FREM1: variants seen among roughly 807,000 people sequenced by gnomAD.
FREM1 encodes FRAS1 related extracellular matrix 1.
Under a neutral mutation model 210.1 loss-of-function variants are expected in FREM1, and 220 were observed. That is an observed-to-expected ratio of 1.05 (90% CI 0.94 to 1.17). The LOEUF is 1.17. Among genes scored for constraint, FREM1 ranks in the 50% most tolerant of loss-of-function variants. The pLI, the probability that FREM1 is intolerant of heterozygous loss-of-function variation, is 0.00. For missense variants in FREM1, 3,454 were observed against 2,675.5 expected, an observed-to-expected ratio of 1.29 and a Z score of -6.42; for synonymous variants, 1,189 against 980.2, an observed-to-expected ratio of 1.21 and a Z score of -3.98.
intron 1 of FREM1, among the ~76,000 whole-genome samples, chr9:14,870,215 G>C (rs146578180): frequency 6.6e-6 from 1 of 152,320 alleles, no homozygotes; most frequent in East Asian, 1.9e-4. Context: ...GGTTGTAGAA[G>C]AACAAATGCC....
chr9:14,761,745 C>A (rs982800987), intron 27 of FREM1, among the ~76,000 whole-genome samples: 4 of 152,168 alleles, frequency 2.6e-5, no homozygotes, highest in African/African-American at 9.7e-5. Context: ...CTTTGTCCAG[C>A]ACATCCACAC....
Position 14,770,790 on chromosome 9 carries a change from T to G in FREM1, c.4874A>C (p.Lys1625Thr). Residue 1625 changes from lysine to threonine, a missense_variant, in exon 26 of 37, where the codon AAA becomes ACA. Transcript: ENST00000380880. ...CAAGAGTGTGATACGAGGAGCTGTT[T>G]TGTCCAATTGGTCTACCTGGATCAT... ...LFTIQVDQLD[K>T]TAPRITLLHS... 1.2e-6 allele frequency: 2 copies of G among 1,612,190 alleles called. No individual in the cohort carries two copies. The highest frequency in any genetic ancestry group is 1.7e-6 in the Non-Finnish European group (2 of 1,179,030).
intron 1 of FREM1, among the ~76,000 whole-genome samples, chr9:14,870,383 C>G (rs1228471045): frequency 6.6e-6 from 1 of 152,196 alleles, no homozygotes; most frequent in East Asian, 1.9e-4. Flanking sequence ...TAAAACTGTT[C>G]TCACACTCCA....
At chr9:14,747,765 G>A (rs757689559) in intron 31 of FREM1, 37 bp from the exon 32 acceptor site, 1 of 1,336,884 alleles carries the variant, frequency 7.5e-7, no homozygotes, top group South Asian at 1.4e-5. Context: ...AACAGAATTG[G>A]ATTGACTAAT....
intron 19 of FREM1, 116 bp downstream of exon 19, chr9:14,804,840 T>G: frequency 1.5e-6 from 1 of 679,614 alleles, no homozygotes; most frequent in Non-Finnish European, 2.5e-6. Flanking sequence ...AACATAGCCT[T>G]CCCCACTCCT....
chr9:14,900,846 A>G (rs536074256), intron 1 of FREM1, among the ~76,000 whole-genome samples: 10 of 152,274 alleles, frequency 6.6e-5, no homozygotes, highest in African/African-American at 2.2e-4. Context: ...ATCACAGGCT[A>G]TGGGATTCTT....
intron 27 of FREM1, 111 bp downstream of exon 27, chr9:14,769,613 T>C (rs1445472996): frequency 8.9e-7 from 1 of 1,119,380 alleles, no homozygotes; most frequent in Non-Finnish European, 1.3e-6. Context: ...TGAAATGGTC[T>C]ATTAATTTAT....
At position 14,788,799 on chromosome 9, in the gene FREM1, A is replaced by G. The variant is rs147594024; in HGVS notation, c.4177+120T>C. Reference sequence around the variant, plus strand: ...AAACACAAATGATAGAATTTCAAAGATGAAGAGTGGCAGGAAAAAAGGAAA... The same window carrying G: ...AAACACAAATGATAGAATTTCAAAGGTGAAGAGTGGCAGGAAAAAAGGAAA... On this transcript the variant is annotated intron_variant, in intron 23 of 36. Coordinates refer to ENST00000380880, the MANE Select transcript of FREM1 (RefSeq NM_001379081.2). 171 of 790,644 alleles carry G rather than the reference A, an allele frequency of 2.2e-4. No homozygotes were observed. In the East Asian group the frequency reaches 4.5e-3, roughly 21 times the overall value. 49.0% of individuals were successfully genotyped at this position (790,644 alleles called of 1,614,324 possible).
intron 3 of FREM1, 85 bp from the exon 4 acceptor site, chr9:14,859,569 T>C: frequency 8.7e-7 from 1 of 1,148,222 alleles, no homozygotes; most frequent in Non-Finnish European, 1.2e-6. Flanking sequence ...GACTAAAGAT[T>C]GGCCTTCACC....
At chr9:14,802,570 A>G (rs1817487050) in intron 19 of FREM1, among the ~76,000 whole-genome samples, 1 of 152,226 alleles carries the variant, frequency 6.6e-6, no homozygotes, top group African/African-American at 2.4e-5. Flanking sequence ...CACAAAGACA[A>G]TTAAATGTTT....
In FREM1 at chr9:14,813,050, G is replaced by T. The variant is rs1012888636; in HGVS notation, c.2655C>A (p.Asn885Lys). The T allele has an allele frequency of 1.2e-6, 2 of 1,609,138 alleles. No individual in the cohort carries two copies. The highest frequency in any genetic ancestry group is 2.2e-5 in the East Asian group (1 of 44,748). ...FVLHVEVFPV[N>K]DEPPVLKADL... ...CAGCCTTTAAGACTGGTGGCTCATC[G>T]TTGACAGGGAATACCTAGGCAATGG... The change falls in exon 16 of 37, where the codon AAC (asparagine) becomes AAA (lysine). Residue 885 changes from asparagine to lysine, a missense_variant. By Grantham distance (94) the Asn-to-Lys change is moderately conservative. Transcript: ENST00000380880.
intron 29 of FREM1, among the ~76,000 whole-genome samples, chr9:14,755,952 A>G (rs1844265262): frequency 6.6e-6 from 1 of 152,164 alleles, no homozygotes; most frequent in Non-Finnish European, 1.5e-5. Flanking sequence ...CCTAATATCA[A>G]CCTATTCCAT....
rs1181882560 is a variant in FREM1 at position 14,801,640 on chromosome 9, A to G, written c.3694+12T>C. ...AACAATAACAAATGCATGGAAGTGG[A>G]ACATGCTATACCAGTCTTGAGGAGT... On this transcript the variant is annotated intron_variant, in intron 20 of 36. Coordinates refer to ENST00000380880, the MANE Select transcript of FREM1 (RefSeq NM_001379081.2). 1.3e-6 allele frequency: 2 copies of G among 1,551,802 alleles called. No homozygotes were observed. The highest frequency in any genetic ancestry group is 1.8e-6 in the Non-Finnish European group (2 of 1,123,690).
chr9:14,875,899 G>A (rs12335541), intron 1 of FREM1, among the ~76,000 whole-genome samples: 28,583 of 152,154 alleles, frequency 0.19, 2,813 homozygotes, highest in Middle Eastern at 0.26. Flanking sequence ...TAACAGACAG[G>A]ACCCTCAGCT....
At chr9:14,745,563 G>A (rs1298710676) in intron 35 of FREM1, among the ~76,000 whole-genome samples, 1 of 152,018 alleles carries the variant, frequency 6.6e-6, no homozygotes, top group African/African-American at 2.4e-5. Flanking sequence ...TTCTGAATAT[G>A]GTTTGCTCTT....
intron 30 of FREM1, among the ~76,000 whole-genome samples, chr9:14,749,755 G>A (rs1843018039): frequency 6.6e-6 from 1 of 152,142 alleles, no homozygotes; most frequent in Admixed American, 6.5e-5. Flanking sequence ...ACTACAGTGG[G>A]GGCTCAGATT....
At chr9:14,860,572 CAT>C (rs759870876) in intron 3 of FREM1, among the ~76,000 whole-genome samples, 7 of 88,010 alleles carry the variant, frequency 8.0e-5, no homozygotes, top group South Asian at 3.2e-4. Context: ...TATATATACA[CAT>C]ATATATACAC....
chr9:14,807,420 A>G (rs1818569020), intron 17 of FREM1, among the ~76,000 whole-genome samples: 1 of 152,284 alleles, frequency 6.6e-6, no homozygotes, highest in African/African-American at 2.4e-5. Context: ...AATAACATTC[A>G]TACGTATGCT....
At chr9:14,906,086 T>C (rs1001580598) in intron 1 of FREM1, among the ~76,000 whole-genome samples, 2 of 152,192 alleles carry the variant, frequency 1.3e-5, no homozygotes, top group Non-Finnish European at 2.9e-5. Context: ...TTTCAGACAT[T>C]ATACTTGTAT....
Sources: allele counts gnomAD v4.1 joint callset (sites outside exome capture counted in the v4.1 genomes callset), GRCh38; gene constraint gnomAD v4.1.1; transcripts MANE v1.5; gene names NCBI Gene and HGNC (gene_info 2026-07-23, HGNC 2026-07-21).